The following AKR1B15 variants were observed in gnomAD, a reference collection of about 807,000 sequenced individuals.
AKR1B15 encodes aldo-keto reductase family 1 member B15.
In AKR1B15, 49 loss-of-function variants were observed where a neutral mutation model predicts 38.5. The observed-to-expected ratio is 1.27, with a 90% CI of 1.01 to 1.62. AKR1B15 has a LOEUF of 1.62. Ranked by LOEUF, AKR1B15 falls within the 40% of genes most tolerant of loss-of-function variation. The pLI is 0.00. For missense variants in AKR1B15, 411 were observed against 381.6 expected (o/e 1.08, Z -0.64); for synonymous variants, 137 against 135.5 (o/e 1.01, Z -0.08).
intron 9 of AKR1B15, 68 bp downstream of exon 9, chr7:134,576,498 G>C (rs1794771187): frequency 1.3e-6 from 2 of 1,566,048 alleles, no homozygotes; most frequent in Non-Finnish European, 1.7e-6. Context: ...CATTTCTCGT[G>C]TTGTCCTCAA....
chr7:134,558,413 T>C (rs1185046311), intron 2 of AKR1B15, among the ~76,000 whole-genome samples: 1 of 152,218 alleles, frequency 6.6e-6, no homozygotes, highest in Non-Finnish European at 1.5e-5. Flanking sequence ...AAAGCGCTAA[T>C]TGAAAACATC....
intron 2 of AKR1B15, among the ~76,000 whole-genome samples, chr7:134,558,848 A>G (rs1376363820): frequency 6.6e-6 from 1 of 152,106 alleles, no homozygotes; most frequent in East Asian, 1.9e-4. Context: ...CACAGGCATC[A>G]CCCCTGGAGT....
In AKR1B15 at chr7:134,573,395, A is replaced by G. The variant is rs796995588; in HGVS notation, c.513+1714A>G. ...TATGATGATATGAAGTATGGCAAGT[A>G]TGTCAATGTACCCTGCTTCTCACAG... On this transcript the variant is annotated intron_variant, in intron 6 of 11. Transcript: ENST00000457545. The G allele has an allele frequency of 6.0e-5, 59 of 985,436 alleles. 1 individual carries two copies. In the African/African-American group the frequency reaches 9.9e-4, roughly 17 times the overall value. 61.0% of individuals were successfully genotyped at this position (985,436 alleles called of 1,614,324 possible). A position where few individuals can be genotyped will look rare whatever the true frequency, so the allele number is the denominator to read the frequency against.
intron 2 of AKR1B15, among the ~76,000 whole-genome samples, chr7:134,561,481 A>C (rs187566520): frequency 3.9e-5 from 6 of 152,362 alleles, no homozygotes; most frequent in Non-Finnish European, 7.3e-5. Context: ...TGCTGGGATT[A>C]CAGGTGTGAG....
chr7:134,572,394 C>T (rs1327578347), intron 6 of AKR1B15, among the ~76,000 whole-genome samples: 3 of 151,982 alleles, frequency 2.0e-5, no homozygotes, highest in African/African-American at 4.8e-5. Flanking sequence ...TTTGGGAAGC[C>T]GAGGTGGAAG....
chr7:134,563,510 T>C (rs1794467695), intron 2 of AKR1B15, among the ~76,000 whole-genome samples: 1 of 152,162 alleles, frequency 6.6e-6, no homozygotes, highest in African/African-American at 2.4e-5. Context: ...ATCACACCAC[T>C]GCACTCCAGC....
At chr7:134,553,509 G>C (rs1322260069) in intron 1 of AKR1B15, among the ~76,000 whole-genome samples, 2 of 152,180 alleles carry the variant, frequency 1.3e-5, no homozygotes, top group Non-Finnish European at 2.9e-5. Flanking sequence ...TTGTCTGTGA[G>C]CCATAGTGGC....
intron 5 of AKR1B15, among the ~76,000 whole-genome samples, chr7:134,570,757 G>C (rs1338588650): frequency 6.6e-6 from 1 of 152,192 alleles, no homozygotes; most frequent in African/African-American, 2.4e-5. Context: ...GTCAGGAAGA[G>C]ACCTTGGAGC....
chr7:134,550,197 C>A (rs1585770139), intron 1 of AKR1B15, among the ~76,000 whole-genome samples: 2 of 152,108 alleles, frequency 1.3e-5, no homozygotes, highest in Admixed American at 1.3e-4. Context: ...TGCAGAGAAA[C>A]CTACACCCAT....
Position 134,571,655 on chromosome 7 carries a change from A to G in AKR1B15, c.487A>G (p.Lys163Glu). 1 of 1,613,750 alleles carries G rather than the reference A, an allele frequency of 6.2e-7. No individual in the cohort carries two copies. The highest frequency in any genetic ancestry group is 8.5e-7 in the Non-Finnish European group (1 of 1,179,822). ...KDDKGNMISG[K>E]GTFLDAWEAM... ...TGATAAAGGTAATATGATCAGTGGA[A>G]AAGGAACGTTCTTGGATGCCTGGGA... Residue 163 changes from lysine (K) to glutamate (E), a missense_variant, in exon 6 of 12, where the codon AAA becomes GAA. By Grantham distance (56) the Lys-to-Glu change is moderately conservative. Around this residue, in one of 3 missense-constraint regions of AKR1B15, gnomAD observed 254 missense variants for 212.4 expected, o/e 1.20. Coordinates refer to ENST00000457545, the MANE Select transcript of AKR1B15 (RefSeq NM_001080538.3).
intron 1 of AKR1B15, among the ~76,000 whole-genome samples, chr7:134,551,909 G>A (rs925591463): frequency 3.3e-5 from 5 of 152,170 alleles, no homozygotes; most frequent in South Asian, 2.1e-4. Context: ...GATGATTGAC[G>A]GGGCCAGGGC....
intron 2 of AKR1B15, among the ~76,000 whole-genome samples, chr7:134,557,597 G>A (rs1294417392): frequency 6.6e-6 from 1 of 152,158 alleles, no homozygotes; most frequent in Non-Finnish European, 1.5e-5. Context: ...GGTGCCCAAA[G>A]CCTTTGCGTT....
intron 2 of AKR1B15, among the ~76,000 whole-genome samples, chr7:134,562,982 T>C (rs1224251102): frequency 6.6e-6 from 1 of 151,378 alleles, no homozygotes; most frequent in African/African-American, 2.4e-5. Context: ...CTCTATTCCT[T>C]ACTCTTCCCT....
intron 1 of AKR1B15, among the ~76,000 whole-genome samples, chr7:134,554,288 G>A (rs1794111666): frequency 6.6e-6 from 1 of 152,098 alleles, no homozygotes; most frequent in Non-Finnish European, 1.5e-5. Flanking sequence ...TAACCCTGCT[G>A]CCCTCTGTGT....
In AKR1B15 at chr7:134,575,555, C is replaced by A. The variant is rs1422143660; in HGVS notation, c.636+13C>A. Reference sequence around the variant, plus strand: ...AGTGACTAACCAGGTAAATTCTATTCAGTTTAAGGGTAAGGGTCCTGCCCT... The same window carrying A: ...AGTGACTAACCAGGTAAATTCTATTAAGTTTAAGGGTAAGGGTCCTGCCCT... On this transcript the variant is annotated intron_variant, in intron 7 of 11. Transcript: ENST00000457545. 6.2e-7 allele frequency: 1 copy of A among 1,613,676 alleles called. No individual in the cohort carries two copies. The highest frequency in any genetic ancestry group is 1.7e-5 in the Admixed American group (1 of 60,010).
intron 1 of AKR1B15, among the ~76,000 whole-genome samples, chr7:134,550,006 C>T (rs10258588): frequency 0.022 from 3,304 of 152,114 alleles, 122 homozygotes; most frequent in African/African-American, 0.076. Flanking sequence ...GACATTCACC[C>T]GTTTAGGATT....
intron 3 of AKR1B15, among the ~76,000 whole-genome samples, chr7:134,567,606 C>T (rs1168158893): frequency 6.6e-6 from 1 of 152,090 alleles, no homozygotes; most frequent in Non-Finnish European, 1.5e-5. Context: ...CTGCTTAGAC[C>T]CACACACCCA....
intron 1 of AKR1B15, among the ~76,000 whole-genome samples, chr7:134,549,758 T>C (rs908471573): frequency 2.0e-5 from 3 of 152,182 alleles, no homozygotes; most frequent in African/African-American, 7.2e-5. Flanking sequence ...TCTATAAAAA[T>C]TGCCATGCTT....
chr7:134,574,842 G>A (rs1480930215), intron 6 of AKR1B15, among the ~76,000 whole-genome samples: 3 of 152,206 alleles, frequency 2.0e-5, no homozygotes, highest in South Asian at 2.1e-4. Context: ...ACACAACTCC[G>A]TGGCCGGGTG....
Sources: gnomAD v4.1 joint callset for allele counts (sites outside exome capture counted in the v4.1 genomes callset) on GRCh38, gnomAD v4.1.1 for gene constraint, gnomAD v4.1.1 regional missense constraint, MANE v1.5 for transcripts, NCBI Gene and HGNC (gene_info 2026-07-23, HGNC 2026-07-21) for gene names.